Variants in PPP1R1C observed in about 807,000 individuals in gnomAD.
PPP1R1C encodes the protein protein phosphatase 1 regulatory inhibitor subunit 1C.
In PPP1R1C, 15 loss-of-function variants were observed where a neutral mutation model predicts 17.4. The ratio of observed to expected loss-of-function variants is 0.86; its 90% CI spans 0.58 to 1.33. The LOEUF (loss-of-function observed/expected upper bound fraction) is 1.33, where lower values mean the gene tolerates loss of function less well. PPP1R1C is among the 40% of genes most tolerant of loss of function. The pLI is 0.00. For missense variants in PPP1R1C, 143 were observed against 130.0 expected (o/e 1.10, Z -0.48); for synonymous variants, 35 against 43.1 (o/e 0.81, Z 0.73).
chr2:182,086,385 A>G (rs935500671), intron 4 of PPP1R1C, among the ~76,000 whole-genome samples: 1 of 152,170 alleles, frequency 6.6e-6, no homozygotes, highest in African/African-American at 2.4e-5. Flanking sequence ...TAAAAGGATC[A>G]TACTTAAACT....
chr2:182,054,926 G>C (rs1159660520), intron 2 of PPP1R1C, among the ~76,000 whole-genome samples: 2 of 152,194 alleles, frequency 1.3e-5, no homozygotes, highest in Non-Finnish European at 2.9e-5. Context: ...CTCCCAAAGT[G>C]CTGGGATTAC....
At chr2:181,971,158 A>G (rs1574344623) in intron 1 of PPP1R1C, among the ~76,000 whole-genome samples, 1 of 152,260 alleles carries the variant, frequency 6.6e-6, no homozygotes, top group Non-Finnish European at 1.5e-5. Flanking sequence ...CACCACAGCC[A>G]TGACAGCTGG....
chr2:182,040,480 T>C (rs1687148452), intron 2 of PPP1R1C, among the ~76,000 whole-genome samples: 1 of 152,206 alleles, frequency 6.6e-6, no homozygotes, highest in South Asian at 2.1e-4. Flanking sequence ...TCATGTCATT[T>C]GCCCACTTTT....
chr2:182,095,629 G>A (rs1388614792), intron 4 of PPP1R1C, among the ~76,000 whole-genome samples: 1 of 152,174 alleles, frequency 6.6e-6, no homozygotes, highest in African/African-American at 2.4e-5. Context: ...AGTTTTCAAT[G>A]TATAAATAAG....
chr2:182,061,226 G>C (rs1012715351), intron 2 of PPP1R1C, among the ~76,000 whole-genome samples: 3 of 151,988 alleles, frequency 2.0e-5, no homozygotes, highest in African/African-American at 7.2e-5. Context: ...ATGTCAAGAG[G>C]AAAGCTTTTT....
At chr2:181,964,233 C>T (rs1372872560) in intron 1 of PPP1R1C, among the ~76,000 whole-genome samples, 1 of 152,140 alleles carries the variant, frequency 6.6e-6, no homozygotes, top group Non-Finnish European at 1.5e-5. Flanking sequence ...CTGTGCTTGG[C>T]TTATTTCACT....
intron 2 of PPP1R1C, among the ~76,000 whole-genome samples, chr2:182,031,357 T>A (rs753059666): frequency 6.6e-6 from 1 of 152,242 alleles, no homozygotes; most frequent in Non-Finnish European, 1.5e-5. Context: ...GTGGACTGTC[T>A]TGCTTGAATT....
At chr2:182,052,639 G>A (rs551040135) in intron 2 of PPP1R1C, among the ~76,000 whole-genome samples, 15 of 152,148 alleles carry the variant, frequency 9.9e-5, no homozygotes, top group African/African-American at 3.6e-4. Flanking sequence ...CAAAAGTGAG[G>A]CCATCACCCC....
intron 2 of PPP1R1C, among the ~76,000 whole-genome samples, chr2:182,039,783 G>A (rs956600592): frequency 2.6e-5 from 4 of 152,092 alleles, no homozygotes; most frequent in Non-Finnish European, 4.4e-5. Flanking sequence ...CCAATATGTA[G>A]TTTTTAATCC....
At chr2:182,122,531 A>C (rs775967072), downstream of PPP1R1C, among the ~76,000 whole-genome samples, 3 of 152,106 alleles carry the variant, frequency 2.0e-5, no homozygotes, top group Non-Finnish European at 4.4e-5. Flanking sequence ...AATTGAACGA[A>C]AGTTTGGAAG....
At chr2:181,983,550 T>C (rs1685233550), upstream of PPP1R1C, among the ~76,000 whole-genome samples, 1 of 152,242 alleles carries the variant, frequency 6.6e-6, no homozygotes, top group South Asian at 2.1e-4. Context: ...TAGATTATTT[T>C]ACATTTAAGT....
At chr2:182,039,711 AT>A (rs1687123870) in intron 2 of PPP1R1C, among the ~76,000 whole-genome samples, 1 of 152,090 alleles carries the variant, frequency 6.6e-6, no homozygotes, top group Admixed American at 6.5e-5. Context: ...ACGTAGACGA[AT>A]TGTATAGTGG....
At chr2:182,012,900 AAACTGTTG>A (rs1342927434) in intron 2 of PPP1R1C, among the ~76,000 whole-genome samples, 1 of 152,218 alleles carries the variant, frequency 6.6e-6, no homozygotes, top group South Asian at 2.1e-4. Flanking sequence ...AAACTAATAA[AAACTGTTG>A]ATTATAACTT....
intron 2 of PPP1R1C, among the ~76,000 whole-genome samples, chr2:182,040,230 C>G (rs923483466): frequency 1.3e-5 from 2 of 152,338 alleles, no homozygotes; most frequent in South Asian, 4.1e-4. Flanking sequence ...ATACTCCATA[C>G]TGTTTTCCTT....
intron 5 of PPP1R1C, among the ~76,000 whole-genome samples, chr2:182,127,592 G>C (rs1689905756): frequency 6.6e-6 from 1 of 152,024 alleles, no homozygotes; most frequent in African/African-American, 2.4e-5. Context: ...CAAGTAGAAA[G>C]AACAGTGGGA....
At chr2:182,079,195 A>T (rs887680291) in intron 4 of PPP1R1C, among the ~76,000 whole-genome samples, 1 of 152,240 alleles carries the variant, frequency 6.6e-6, no homozygotes, top group African/African-American at 2.4e-5. Context: ...AGGTTGTCAT[A>T]GATTATTACA....
intron 2 of PPP1R1C, among the ~76,000 whole-genome samples, chr2:182,056,404 T>C (rs1052333594): frequency 6.6e-6 from 1 of 152,226 alleles, no homozygotes; most frequent in Non-Finnish European, 1.5e-5. Context: ...ATCTTTTTAG[T>C]CATCTCTTTT....
chr2:182,125,878 A>AT (rs1293022660), intron 5 of PPP1R1C, among the ~76,000 whole-genome samples: 1 of 152,136 alleles, frequency 6.6e-6, no homozygotes, highest in East Asian at 1.9e-4. Context: ...GGATTCATTG[A>AT]TTTTTTGAAG....
chr2:182,057,255 G>A (rs1687712085), intron 2 of PPP1R1C, among the ~76,000 whole-genome samples: 1 of 152,088 alleles, frequency 6.6e-6, no homozygotes. Context: ...AAACACTAAT[G>A]GACATGATAT....
Sources: allele counts gnomAD v4.1 joint callset (sites outside exome capture counted in the v4.1 genomes callset), GRCh38; gene constraint gnomAD v4.1.1; transcripts MANE v1.5; gene names NCBI Gene and HGNC (gene_info 2026-07-23, HGNC 2026-07-21).